Variants in DOC2A observed in about 807,000 individuals in gnomAD.
The protein encoded by DOC2A is double C2 domain alpha.
DOC2A carries 28 observed loss-of-function variants against 40.6 expected under a neutral mutation model. That is an observed-to-expected ratio of 0.69 (90% CI 0.51 to 0.95). DOC2A has a LOEUF of 0.95. Ranked by LOEUF, DOC2A falls within the 40% of genes least tolerant of loss-of-function variation. The probability of loss-of-function intolerance (pLI) is 0.00; values close to 1 mark genes in which losing one functional copy is unlikely to be tolerated. For synonymous variants in DOC2A, 241 were observed against 236.9 expected (o/e 1.02, Z -0.16); for missense variants, 474 against 552.5 (o/e 0.86, Z 1.42).
At position 30,005,542 on chromosome 16, in the gene DOC2A, C is replaced by A; in HGVS notation, c.*644G>T. The A allele has an allele frequency of 8.9e-7, 1 of 1,129,490 alleles. No homozygotes were observed. Among genetic ancestry groups the A allele is most frequent in the Non-Finnish European group, 1.3e-6 (1 of 778,638 alleles). The allele number at this position is 1,129,490 out of a possible 1,614,324, so 70.0% of individuals were successfully genotyped here. On this transcript the variant is annotated 3_prime_UTR_variant, in exon 11 of 11. Coordinates refer to ENST00000350119, the MANE Select transcript of DOC2A (RefSeq NM_003586.3). ...CTCGGAGGTGTTTATTGATGCCCAG[C>A]TGCCATGCTCCGGCCACTGACACAA... is the stretch of plus-strand genomic sequence containing the variant.
In DOC2A at chr16:30,010,240, G is replaced by A. The variant is rs1422477567; in HGVS notation, c.-13-5C>T. 9.9e-6 allele frequency: 16 copies of A among 1,612,848 alleles called. No individual in the cohort carries two copies. In the Middle Eastern group the frequency reaches 4.9e-4, roughly 50 times the overall value. ...CCCCTCATGCAGCACCCCTGGCTAG[G>A]AGAGGGCGTGTGAGCCAGTGAGCCC... On this transcript the variant is annotated splice_region_variant and splice_polypyrimidine_tract_variant and intron_variant, in intron 1 of 10. Coordinates refer to ENST00000350119, the MANE Select transcript of DOC2A (RefSeq NM_003586.3). The surrounding 1 kb of genome is among the most constrained non-coding windows in gnomAD (Gnocchi z 4.2).
chr16:30,021,572 C>G (rs2070908933), upstream of DOC2A: 1 of 152,208 alleles, frequency 6.6e-6, no homozygotes, highest in Admixed American at 6.5e-5. Flanking sequence ...GAGGGACTTC[C>G]TCTGACCAAC....
Position 30,021,008 on chromosome 16 carries a change from AG to A in DOC2A, c.-376+174del, listed in dbSNP as rs543000269. ...TAGAGCAATATCCTGTCTCAAAAAA[AG>A]GGAAGCCATCAGCGCAGCACAGGGG... On this transcript the variant is annotated intron_variant, in intron 1 of 5. Transcript: ENST00000574405. 1.2e-3 allele frequency among the ~76,000 whole-genome samples: 188 copies of A among 152,254 alleles called. 2 individuals are homozygous for A. The highest frequency in any genetic ancestry group is 4.4e-4 in the Non-Finnish European group (30 of 68,012).
chr16:30,008,802 G>A, intron 5 of DOC2A, 194 bp downstream of exon 5: 1 of 586,558 alleles, frequency 1.7e-6, no homozygotes. Flanking sequence ...CACCACACCT[G>A]GCAGGCAGGA....
chr16:30,011,228 G>A, upstream of DOC2A: 2 of 781,986 alleles, frequency 2.6e-6, no homozygotes, highest in Non-Finnish European at 1.6e-6. Context: ...GCACACACTC[G>A]TGTGCACACA....
chr16:30,010,031 A>C lies in DOC2A; in HGVS notation c.192T>G (p.Pro64=). The part of the protein sequence containing the change: ...AHLVPLALAP[P]AALLGATTPE... ...GCGTGGTGGCCCCAAGGAGGGCTGC[A>C]GGGGGGGCCAGAGCCAGGGGGACCA... Residue 64 remains proline (P), a synonymous_variant, in exon 2 of 11, where the codon CCT becomes CCG. Transcript: ENST00000350119. This position sits in a 1 kb window ranked among gnomAD's most constrained non-coding sequence, Gnocchi z 4.2. 1 of 1,611,718 alleles carries C rather than the reference A, an allele frequency of 6.2e-7. No homozygotes were observed.
chr16:30,011,590 G>T (rs571602722), upstream of DOC2A: 253 of 185,080 alleles, frequency 1.4e-3, 2 homozygotes, highest in Non-Finnish European at 2.2e-3. Context: ...GGGAGCTGGG[G>T]CCTCCCTCCT....
At chr16:30,022,798 T>C (rs1240661723), upstream of DOC2A, among the ~76,000 whole-genome samples, 1 of 152,060 alleles carries the variant, frequency 6.6e-6, no homozygotes, top group Non-Finnish European at 1.5e-5. Context: ...TAGCCGGGTG[T>C]GGTGGCAGAC....
At chr16:30,008,954 G>T in intron 5 of DOC2A, 42 bp downstream of exon 5, 1 of 1,336,962 alleles carries the variant, frequency 7.5e-7, no homozygotes, top group Non-Finnish European at 1.1e-6. Context: ...AATGTCAGCT[G>T]TCCCCGAGCT....
Position 30,010,551 on chromosome 16 carries a change from G to T in DOC2A, c.-13-316C>A, listed in dbSNP as rs1398932645. ...TTCCTCTCCTCCGGGGCTCCCCTCT[G>T]CTCCTGAGCCTGCCTGTCCCCCAAG... On this transcript the variant is annotated intron_variant, in intron 1 of 10. Transcript: ENST00000350119. The surrounding 1 kb of genome is among the most constrained non-coding windows in gnomAD (Gnocchi z 4.2). 9.5e-6 allele frequency: 4 copies of T among 422,502 alleles called. No individual in the cohort carries two copies. In the East Asian group the frequency reaches 1.9e-4, roughly 20 times the overall value. The allele number at this position is 422,502 out of a possible 1,614,324, so 26.2% of individuals were successfully genotyped here.
At chr16:30,011,988 C>T (rs1296199584), upstream of DOC2A, among the ~76,000 whole-genome samples, 4 of 152,148 alleles carry the variant, frequency 2.6e-5, no homozygotes, top group Non-Finnish European at 5.9e-5. Context: ...ACCCCCAAGC[C>T]GCCCCCCTGC....
upstream of DOC2A, chr16:30,011,267 C>T: frequency 1.1e-6 from 1 of 948,432 alleles, no homozygotes; most frequent in South Asian, 4.9e-5. Context: ...CGCGCACACG[C>T]CCGTGCCCAC....
upstream of DOC2A, chr16:30,015,073 A>G (rs1295722499): frequency 6.6e-6 from 1 of 152,190 alleles, no homozygotes; most frequent in Non-Finnish European, 1.5e-5. Context: ...CCTGCACAAG[A>G]ATGGTAACTG....
Position 30,006,079 on chromosome 16 carries a change from A to C in DOC2A, c.*107T>G. 1 of 1,268,370 alleles carries C rather than the reference A, an allele frequency of 7.9e-7. No homozygotes were observed. Among genetic ancestry groups the C allele is most frequent in the Non-Finnish European group, 1.1e-6 (1 of 934,654 alleles). The allele number at this position is 1,268,370 out of a possible 1,614,324, so 78.6% of individuals were successfully genotyped here. A position where few individuals can be genotyped will look rare whatever the true frequency, so the allele number is the denominator to read the frequency against. Reference sequence around the variant, plus strand: ...GTCACGGAGACTCACAAAAATAGGTAGTGCAGGGTGGGGGCAGCCCACCCT... The same window carrying C: ...GTCACGGAGACTCACAAAAATAGGTCGTGCAGGGTGGGGGCAGCCCACCCT... On this transcript the variant is annotated 3_prime_UTR_variant, in exon 11 of 11. Coordinates refer to ENST00000350119, the MANE Select transcript of DOC2A (RefSeq NM_003586.3). This position sits in a 1 kb window ranked among gnomAD's most constrained non-coding sequence, Gnocchi z 6.2.
intron 1 of DOC2A, among the ~76,000 whole-genome samples, chr16:30,018,190 G>C (rs1270386230): frequency 6.7e-6 from 1 of 148,736 alleles, no homozygotes; most frequent in Non-Finnish European, 1.5e-5. Flanking sequence ...TGAGGAGAGA[G>C]GATTGCTTGA....
upstream of DOC2A, chr16:30,013,703 T>C (rs1176038975): frequency 6.6e-6 from 1 of 150,920 alleles, no homozygotes; most frequent in African/African-American, 2.4e-5. Flanking sequence ...TAATAGAAGT[T>C]CAAATTCTTT....
upstream of DOC2A, chr16:30,011,415 C>T (rs1025327307): frequency 1.1e-5 from 11 of 985,160 alleles, no homozygotes; most frequent in Non-Finnish European, 1.1e-5. Flanking sequence ...GCCGGGTGTT[C>T]CCCAACTACT....
Position 30,010,404 on chromosome 16 carries a change from A to C in DOC2A, c.-13-169T>G. On this transcript the variant is annotated intron_variant, in intron 1 of 10. Transcript: ENST00000350119. The surrounding 1 kb of genome is among the most constrained non-coding windows in gnomAD (Gnocchi z 4.2). ...GGCAGGTGGGAGGCCTGGGCCCTGC[A>C]GACCCCAAGCTGACTCCACAGGGGC... 1 of 882,090 alleles carries C rather than the reference A, an allele frequency of 1.1e-6. No individual in the cohort carries two copies. 54.6% of individuals were successfully genotyped at this position (882,090 alleles called of 1,614,324 possible).
intron 5 of DOC2A, chr16:30,007,693 C>G (rs1252292274): frequency 3.0e-6 from 1 of 328,520 alleles, no homozygotes; most frequent in Non-Finnish European, 5.9e-6. Context: ...AACCCCCGTC[C>G]TTTTCCTGCA....
Sources: gnomAD v4.1 joint callset for allele counts (sites outside exome capture counted in the v4.1 genomes callset) on GRCh38, gnomAD v4.1.1 for gene constraint, Gnocchi (gnomAD v3.1) non-coding constraint, MANE v1.5 for transcripts, NCBI Gene and HGNC (gene_info 2026-07-23, HGNC 2026-07-21) for gene names.